The following MEIKIN variants were observed in gnomAD, a reference collection of about 807,000 sequenced individuals.
MEIKIN encodes meiosis-specific kinetochore protein.
At chr5:131,842,521 T>C (rs1451561169) in intron 11 of MEIKIN, among the ~76,000 whole-genome samples, 1 of 152,200 alleles carries the variant, frequency 6.6e-6, no homozygotes, top group Non-Finnish European at 1.5e-5. Context: ...ATTTTGGATT[T>C]TGTCAATGGT....
intron 8 of MEIKIN, among the ~76,000 whole-genome samples, chr5:131,898,762 G>A (rs533082222): frequency 1.2e-4 from 18 of 152,224 alleles, no homozygotes; most frequent in Non-Finnish European, 1.9e-4. Flanking sequence ...CTGGTCTGTC[G>A]GTTGCTGAGA....
At chr5:131,871,457 C>A (rs1750496842) in intron 9 of MEIKIN, among the ~76,000 whole-genome samples, 1 of 152,214 alleles carries the variant, frequency 6.6e-6, no homozygotes, top group African/African-American at 2.4e-5. Context: ...GGGAGGGGCG[C>A]CCGCCATTCC....
chr5:131,904,664 T>C (rs970577413), intron 8 of MEIKIN, among the ~76,000 whole-genome samples: 1 of 152,162 alleles, frequency 6.6e-6, no homozygotes, highest in African/African-American at 2.4e-5. Context: ...GGATTATAAA[T>C]CATACTACTA....
At chr5:131,858,841 T>A (rs1750237653) in intron 9 of MEIKIN, among the ~76,000 whole-genome samples, 1 of 152,156 alleles carries the variant, frequency 6.6e-6, no homozygotes, top group African/African-American at 2.4e-5. Flanking sequence ...TCACCACTAA[T>A]CATTAGATAA....
In MEIKIN at chr5:131,944,661, A is replaced by G. The variant is rs1276020454; in HGVS notation, c.288+4T>C. 1.3e-5 allele frequency: 5 copies of G among 399,092 alleles called. No homozygotes were observed. Among genetic ancestry groups the G allele is most frequent in the Non-Finnish European group, 2.2e-5 (5 of 226,074 alleles). The allele number at this position is 399,092 out of a possible 1,614,324, so 24.7% of individuals were successfully genotyped here. ...TCCAAGGACTAAAAGAGAAGCATAC[A>G]TACACGCAACGATGCAATCTTCTCA... On this transcript the variant is annotated splice_donor_region_variant and intron_variant, in intron 3 of 12. Transcript: ENST00000442687.
At chr5:131,881,122 T>C (rs1750696291) in intron 8 of MEIKIN, among the ~76,000 whole-genome samples, 1 of 152,216 alleles carries the variant, frequency 6.6e-6, no homozygotes, top group African/African-American at 2.4e-5. Flanking sequence ...GATTAGATAT[T>C]AGCCTGAAAA....
Position 131,939,353 on chromosome 5 carries a change from T to C in MEIKIN, c.349+3282A>G, listed in dbSNP as rs140421256. On this transcript the variant is annotated intron_variant, in intron 4 of 12. Transcript: ENST00000442687. The stretch of plus-strand genomic sequence containing the variant: ...TTTGTTTCTTGGTTTGTCTCTACTC[T>C]AGACACCTAGTTTTCAGCTTTTTTT... 3.7e-3 allele frequency among the ~76,000 whole-genome samples: 558 copies of C among 151,900 alleles called. 3 individuals are homozygous for C. Among genetic ancestry groups the C allele is most frequent in the African/African-American group, 0.011 (452 of 41,514 alleles).
At chr5:131,846,038 T>G (rs1269902500) in intron 11 of MEIKIN, among the ~76,000 whole-genome samples, 1 of 152,220 alleles carries the variant, frequency 6.6e-6, no homozygotes, top group African/African-American at 2.4e-5. Flanking sequence ...AGAAGTGACT[T>G]GTTGCACACA....
At chr5:131,824,802 A>C (rs1480642375) in intron 11 of MEIKIN, among the ~76,000 whole-genome samples, 1 of 152,102 alleles carries the variant, frequency 6.6e-6, no homozygotes, top group Non-Finnish European at 1.5e-5. Flanking sequence ...AATAGCTGAA[A>C]ATTTTCCCAA....
At chr5:131,865,468 C>G (rs1349923489) in intron 9 of MEIKIN, among the ~76,000 whole-genome samples, 12 of 152,236 alleles carry the variant, frequency 7.9e-5, no homozygotes, top group Admixed American at 6.5e-4. Flanking sequence ...TTCCGCCCAC[C>G]TGGGCCTCCC....
At chr5:131,901,261 G>A (rs955070748) in intron 8 of MEIKIN, among the ~76,000 whole-genome samples, 5 of 152,050 alleles carry the variant, frequency 3.3e-5, no homozygotes, top group African/African-American at 1.2e-4. Flanking sequence ...TAGGGAGACC[G>A]GCAGACCTTC....
intron 4 of MEIKIN, among the ~76,000 whole-genome samples, chr5:131,934,740 G>T (rs925979491): frequency 6.6e-6 from 1 of 152,050 alleles, no homozygotes; most frequent in African/African-American, 2.4e-5. Context: ...AATTTAAAAC[G>T]TCCCTTCAAA....
intron 12 of MEIKIN, among the ~76,000 whole-genome samples, chr5:131,814,465 G>C (rs556538272): frequency 1.3e-4 from 19 of 151,948 alleles, no homozygotes; most frequent in Admixed American, 1.2e-3. Context: ...TTTTTGAAGA[G>C]ATGGTTTCAC....
At chr5:131,848,190 A>T (rs983847698) in intron 11 of MEIKIN, among the ~76,000 whole-genome samples, 1 of 152,152 alleles carries the variant, frequency 6.6e-6, no homozygotes, top group African/African-American at 2.4e-5. Flanking sequence ...AGCAGACAGA[A>T]ACAAAATAGA....
chr5:131,817,077 G>A (rs1409321463), intron 12 of MEIKIN, among the ~76,000 whole-genome samples: 2 of 152,118 alleles, frequency 1.3e-5, no homozygotes, highest in Admixed American at 6.6e-5. Flanking sequence ...AAAAGGCGGA[G>A]GAAAGGCAGA....
intron 11 of MEIKIN, among the ~76,000 whole-genome samples, chr5:131,824,607 A>C (rs1008131262): frequency 6.6e-6 from 1 of 152,212 alleles, no homozygotes; most frequent in Non-Finnish European, 1.5e-5. Flanking sequence ...GAAATGAAAA[A>C]GTTTTTGAAA....
chr5:131,864,517 T>A (rs973459782), intron 9 of MEIKIN, among the ~76,000 whole-genome samples: 5 of 152,250 alleles, frequency 3.3e-5, no homozygotes, highest in African/African-American at 4.8e-5. Flanking sequence ...GGCTGGCAGA[T>A]TTGTTCTTTC....
intron 5 of MEIKIN, 119 bp downstream of exon 5, chr5:131,933,394 G>A: frequency 2.6e-6 from 1 of 381,494 alleles, no homozygotes; most frequent in Non-Finnish European, 4.6e-6. Context: ...AGGGAAGTGA[G>A]GTGTTGGTGA....
chr5:131,864,525 T>C (rs1403545644), intron 9 of MEIKIN, among the ~76,000 whole-genome samples: 1 of 152,246 alleles, frequency 6.6e-6, no homozygotes, highest in Admixed American at 6.5e-5. Flanking sequence ...GATTTGTTCT[T>C]TCAGCACTTT....
Sources: gnomAD v4.1 joint callset for allele counts (sites outside exome capture counted in the v4.1 genomes callset) on GRCh38, gnomAD v4.1.1 for gene constraint, MANE v1.5 for transcripts, NCBI Gene and HGNC (gene_info 2026-07-23, HGNC 2026-07-21) for gene names.